B3GLCT: variants seen among roughly 807,000 people sequenced by gnomAD.
B3GLCT encodes beta-1,3-glucosyltransferase.
In B3GLCT, 65 loss-of-function variants were observed where a neutral mutation model predicts 63.4. The observed-to-expected ratio is 1.03, with a 90% CI of 0.84 to 1.26. The LOEUF is 1.26. B3GLCT is among the 50% of genes most tolerant of loss of function. B3GLCT has a pLI of 0.00. For synonymous variants in B3GLCT, 233 were observed against 219.2 expected (o/e 1.06, Z -0.55); for missense variants, 577 against 604.8 (o/e 0.95, Z 0.48).
At position 31,286,713 on chromosome 13, in the gene B3GLCT, T is replaced by C; in HGVS notation, c.965-7T>C. The C allele has an allele frequency of 6.3e-7, 1 of 1,591,632 alleles. No individual in the cohort carries two copies. Among genetic ancestry groups the C allele is most frequent in the Non-Finnish European group, 8.6e-7 (1 of 1,159,956 alleles). ...TACATTGTAAGTTTTTTTCTTGCCT[T>C]TTCTAGGTCATTGTGGAAAGACATT... On this transcript the variant is annotated splice_polypyrimidine_tract_variant and splice_region_variant and intron_variant, in intron 11 of 14. Transcript: ENST00000343307.
At chr13:31,325,465 C>G (rs7991258) in intron 14 of B3GLCT, among the ~76,000 whole-genome samples, 103,231 of 152,046 alleles carry the variant, frequency 0.68, 36,678 homozygotes, top group Middle Eastern at 0.8. Context: ...TGTAGCAGCC[C>G]TTTTCATTTA....
intron 6 of B3GLCT, among the ~76,000 whole-genome samples, chr13:31,257,327 T>G (rs1283488464): frequency 6.6e-6 from 1 of 152,132 alleles, no homozygotes. Context: ...ATTTTCATAT[T>G]GGTTAAGGTT....
chr13:31,329,932 C>A lies in B3GLCT; in HGVS notation c.*264C>A, dbSNP rs769626609. On this transcript the variant is annotated 3_prime_UTR_variant, in exon 15 of 15. Transcript: ENST00000343307. Reference sequence around the variant, plus strand: ...TAGTGATGACTGTGTATTCTCCAAGCTGTGATACAGCAGTTTTTTTTTATT... The same window carrying A: ...TAGTGATGACTGTGTATTCTCCAAGATGTGATACAGCAGTTTTTTTTTATT... The A allele has an allele frequency of 6.6e-5, 31 of 472,634 alleles. No individual in the cohort carries two copies. Among genetic ancestry groups the A allele is most frequent in the Non-Finnish European group, 1.2e-4 (30 of 259,138 alleles). 29.3% of individuals were successfully genotyped at this position (472,634 alleles called of 1,614,324 possible).
chr13:31,295,388 G>T (rs1343281384), intron 12 of B3GLCT, among the ~76,000 whole-genome samples: 1 of 152,164 alleles, frequency 6.6e-6, no homozygotes, highest in African/African-American at 2.4e-5. Context: ...AGGCATGAAC[G>T]TTTAAGTCTG....
chr13:31,308,176 C>A (rs193033872), intron 12 of B3GLCT, among the ~76,000 whole-genome samples: 620 of 43,374 alleles, frequency 0.014, 2 homozygotes, highest in Middle Eastern at 0.029. Flanking sequence ...ACTCTGGTGA[C>A]TGTGGTGGGG....
intron 7 of B3GLCT, among the ~76,000 whole-genome samples, chr13:31,264,484 A>G (rs570515446): frequency 2.0e-5 from 3 of 152,310 alleles, no homozygotes; most frequent in South Asian, 2.1e-4. Flanking sequence ...CTGCCAGGAA[A>G]AAAAAGCAAA....
chr13:31,261,118 G>A (rs756244003), intron 7 of B3GLCT, 36 bp downstream of exon 7: 1 of 1,584,758 alleles, frequency 6.3e-7, no homozygotes, highest in Admixed American at 1.7e-5. Flanking sequence ...GGGGGCGGGA[G>A]GGGTGTGCAT....
intron 12 of B3GLCT, among the ~76,000 whole-genome samples, chr13:31,302,376 C>T (rs900645990): frequency 2.0e-5 from 3 of 151,540 alleles, no homozygotes; most frequent in African/African-American, 7.3e-5. Flanking sequence ...GCGTGAGCGA[C>T]GCAGAAGACG....
chr13:31,294,411 A>G (rs763211479), intron 12 of B3GLCT, among the ~76,000 whole-genome samples: 1 of 152,328 alleles, frequency 6.6e-6, no homozygotes, highest in African/African-American at 2.4e-5. Flanking sequence ...GTGTTTTCCA[A>G]CTTGGTTCCA....
At chr13:31,231,542 C>T (rs1390059885) in intron 4 of B3GLCT, among the ~76,000 whole-genome samples, 1 of 152,154 alleles carries the variant, frequency 6.6e-6, no homozygotes, top group Admixed American at 6.5e-5. Flanking sequence ...TATACTTCCT[C>T]TACTGTTCAT....
At chr13:31,232,606 A>G (rs1870437407) in intron 4 of B3GLCT, among the ~76,000 whole-genome samples, 1 of 152,098 alleles carries the variant, frequency 6.6e-6, no homozygotes, top group Non-Finnish European at 1.5e-5. Flanking sequence ...TTGGGTGGGG[A>G]CACAGATTGA....
intron 12 of B3GLCT, among the ~76,000 whole-genome samples, chr13:31,308,656 A>G (rs891474489): frequency 1.2e-4 from 18 of 152,176 alleles, no homozygotes; most frequent in African/African-American, 4.1e-4. Flanking sequence ...TACTGCCCCT[A>G]AATTAGTTAT....
At chr13:31,324,343 G>A (rs1428988499) in intron 14 of B3GLCT, among the ~76,000 whole-genome samples, 1 of 152,074 alleles carries the variant, frequency 6.6e-6, no homozygotes, top group Non-Finnish European at 1.5e-5. Flanking sequence ...TCCTTCACTT[G>A]CCATTAAAAT....
chr13:31,269,976 C>T (rs143166832), intron 8 of B3GLCT, among the ~76,000 whole-genome samples: 223 of 152,268 alleles, frequency 1.5e-3, no homozygotes, highest in Admixed American at 4.2e-3. Flanking sequence ...CAGACTAAGA[C>T]GTATGCCTTT....
rs143510303 is a variant in B3GLCT, at chr13:31,267,076, A to G, written c.597-2138A>G. On this transcript the variant is annotated intron_variant, in intron 7 of 14. Transcript: ENST00000343307. ...ATGAGCCACTCTCAGAAATTCTATC[A>G]GTGGTTTTCACTTTTTCCCCTTCTG... Among the ~76,000 whole-genome samples, 4 of 152,330 alleles carry G rather than the reference A, an allele frequency of 2.6e-5. No individual in the cohort carries two copies. The East Asian group carries it at 7.7e-4, about 29-fold the overall frequency.
chr13:31,236,627 T>C (rs921202143), intron 4 of B3GLCT, among the ~76,000 whole-genome samples: 1 of 152,194 alleles, frequency 6.6e-6, no homozygotes, highest in Non-Finnish European at 1.5e-5. Flanking sequence ...GACCAAACTT[T>C]AATTTGGTCA....
At chr13:31,242,739 C>T (rs189850241) in intron 4 of B3GLCT, among the ~76,000 whole-genome samples, 18 of 152,066 alleles carry the variant, frequency 1.2e-4, no homozygotes, top group African/African-American at 2.7e-4. Flanking sequence ...ATAAAATGGA[C>T]GGAGTAATGC....
At chr13:31,227,691 GCTAT>G (rs1231543318) in intron 3 of B3GLCT, among the ~76,000 whole-genome samples, 2 of 152,212 alleles carry the variant, frequency 1.3e-5, no homozygotes, top group African/African-American at 4.8e-5. Context: ...TCACTGTGGA[GCTAT>G]CTGTTGTGTG....
At chr13:31,237,129 A>AG (rs984078918) in intron 4 of B3GLCT, among the ~76,000 whole-genome samples, 2 of 151,466 alleles carry the variant, frequency 1.3e-5, no homozygotes, top group Non-Finnish European at 2.9e-5. Context: ...CCATCTCAAA[A>AG]AAAAAAAAAG....
Sources: allele counts gnomAD v4.1 joint callset (sites outside exome capture counted in the v4.1 genomes callset), GRCh38; gene constraint gnomAD v4.1.1; transcripts MANE v1.5; gene names NCBI Gene and HGNC (gene_info 2026-07-23, HGNC 2026-07-21).